RNF216: variants seen among roughly 807,000 people sequenced by gnomAD.
RNF216 encodes E3 ubiquitin-protein ligase RNF216.
A neutral mutation model predicts 110.8 loss-of-function variants in RNF216; 72 were observed. The observed-to-expected ratio is 0.65, with a 90% confidence interval of 0.54 to 0.79. The LOEUF is 0.79. Ranked by LOEUF, RNF216 falls within the 30% of genes least tolerant of loss-of-function variation. The pLI is 0.00. For missense variants in RNF216, 1,342 were observed against 1,141.2 expected (o/e 1.18, Z -2.54); for synonymous variants, 495 against 407.5 (o/e 1.21, Z -2.59).
Position 5,770,621 on chromosome 7 carries a change from T to G in RNF216, c.-69-9483A>C, listed in dbSNP as rs1422706454. 3.3e-5 allele frequency among the ~76,000 whole-genome samples: 5 copies of G among 152,120 alleles called. No individual in the cohort carries two copies. In the East Asian group the frequency reaches 9.6e-4, roughly 29 times the overall value. ...CTTTATCAGGTTTTAAGAATAGATA[T>G]ATACTAGATGACTTTAGAATTTACA... On this transcript the variant is annotated intron_variant, in intron 1 of 16. Coordinates refer to ENST00000389902, the MANE Select transcript of RNF216 (RefSeq NM_207111.4).
In RNF216 at chr7:5,673,520, C is replaced by T. The variant is rs111981961; in HGVS notation, c.2062-21010G>A. Among the ~76,000 whole-genome samples the T allele has an allele frequency of 4.2e-3, 642 of 152,338 alleles. 2 individuals are homozygous for T. Among genetic ancestry groups the T allele is most frequent in the East Asian group, 0.023 (121 of 5,178 alleles). On this transcript the variant is annotated intron_variant, in intron 13 of 16. Coordinates refer to ENST00000389902, the MANE Select transcript of RNF216 (RefSeq NM_207111.4). ...GTGATGTGAAGAACAGCAAAGCTGA[C>T]CTGTCACGTGGGGCAGTATGCAGGG...
chr7:5,747,334 T>C (rs909081202), intron 3 of RNF216, among the ~76,000 whole-genome samples: 1 of 152,150 alleles, frequency 6.6e-6, no homozygotes, highest in Admixed American at 6.5e-5. Context: ...AGCTAACACA[T>C]GGTGGGACCA....
chr7:5,674,762 G>C (rs1215221148), intron 13 of RNF216, among the ~76,000 whole-genome samples: 1 of 152,130 alleles, frequency 6.6e-6, no homozygotes, highest in South Asian at 2.1e-4. Flanking sequence ...CTAGGAGGCC[G>C]AGGTTGGCAG....
intron 3 of RNF216, among the ~76,000 whole-genome samples, chr7:5,746,615 A>G (rs551583604): frequency 6.6e-6 from 1 of 152,268 alleles, no homozygotes; most frequent in Non-Finnish European, 1.5e-5. Context: ...GCTAGGTAGG[A>G]CATCTTGGAG....
At chr7:5,651,005 G>A (rs1788351843) in intron 14 of RNF216, among the ~76,000 whole-genome samples, 1 of 152,168 alleles carries the variant, frequency 6.6e-6, no homozygotes, top group East Asian at 1.9e-4. Flanking sequence ...TACGGTGCTT[G>A]CCTTGCCCAC....
intron 13 of RNF216, among the ~76,000 whole-genome samples, chr7:5,684,776 A>G (rs1303518232): frequency 6.6e-6 from 1 of 152,100 alleles, no homozygotes; most frequent in Non-Finnish European, 1.5e-5. Context: ...GAAAAACAAA[A>G]CTTTACCTTT....
intron 13 of RNF216, among the ~76,000 whole-genome samples, chr7:5,681,930 T>C (rs1282664632): frequency 6.6e-6 from 1 of 152,220 alleles, no homozygotes; most frequent in African/African-American, 2.4e-5. Context: ...AGTGGTTTTC[T>C]AAAGAATGCT....
chr7:5,666,076 G>T (rs1342444756), intron 13 of RNF216, among the ~76,000 whole-genome samples: 1 of 151,190 alleles, frequency 6.6e-6, no homozygotes, highest in Non-Finnish European at 1.5e-5. Context: ...TGAGGCAGGA[G>T]AATGGCGTGA....
At position 5,739,060 on chromosome 7, in the gene RNF216, A is replaced by T. The variant is rs554285494; in HGVS notation, c.1121+216T>A. Among the ~76,000 whole-genome samples, 8 of 152,320 alleles carry T rather than the reference A, an allele frequency of 5.3e-5. No homozygotes were observed. In the East Asian group the frequency reaches 1.2e-3, roughly 22 times the overall value. Reference sequence around the variant, plus strand: ...GATGGTGGGTGCCACTGGCTTGGGAAGGGGATGGGGAGTGAGTGTTTAATG... The same window carrying T: ...GATGGTGGGTGCCACTGGCTTGGGATGGGGATGGGGAGTGAGTGTTTAATG... On this transcript the variant is annotated intron_variant, in intron 5 of 16. Coordinates refer to ENST00000389902, the MANE Select transcript of RNF216 (RefSeq NM_207111.4).
chr7:5,633,976 G>T (rs1014527009), intron 15 of RNF216, among the ~76,000 whole-genome samples: 1 of 152,214 alleles, frequency 6.6e-6, no homozygotes, highest in Non-Finnish European at 1.5e-5. Flanking sequence ...CGAAGAAAGA[G>T]AAACTATGAG....
chr7:5,641,199 G>A lies in RNF216; in HGVS notation c.2337C>T (p.Ala779=). The stretch of plus-strand genomic sequence containing the variant: ...AGCATCTTGAACACTCCTGGCAAGG[G>A]GCTCCTGGTGAGCGGGGATGTTGGC... ...HFCQHPRSPG[A]PCQECSRCSL... Residue 779 remains alanine, a synonymous_variant, in exon 15 of 17, where the codon GCC becomes GCT. Coordinates refer to ENST00000389902, the MANE Select transcript of RNF216 (RefSeq NM_207111.4). 1.2e-6 allele frequency: 2 copies of A among 1,614,120 alleles called. No individual in the cohort carries two copies. Among genetic ancestry groups the A allele is most frequent in the African/African-American group, 1.3e-5 (1 of 75,012 alleles).
At chr7:5,689,800 A>C (rs991246840) in intron 13 of RNF216, among the ~76,000 whole-genome samples, 69 of 152,044 alleles carry the variant, frequency 4.5e-4, no homozygotes, top group Admixed American at 3.9e-3. Flanking sequence ...CTAAAAATGC[A>C]AAAAAATTAG....
rs1584575438 is a variant in RNF216, at chr7:5,752,993, G to C, written c.68-14C>G. 6.2e-7 allele frequency: 1 copy of C among 1,602,696 alleles called. No individual in the cohort carries two copies. Among genetic ancestry groups the C allele is most frequent in the Non-Finnish European group, 8.5e-7 (1 of 1,175,792 alleles). The stretch of plus-strand genomic sequence containing the variant: ...GATTGATCCACTCTACAGGAAAGCA[G>C]AGAACACTGTTACTGGGAGGTTGGC... On this transcript the variant is annotated splice_polypyrimidine_tract_variant and intron_variant, in intron 2 of 16. Coordinates refer to ENST00000389902, the MANE Select transcript of RNF216 (RefSeq NM_207111.4).
At chr7:5,771,204 T>C (rs1796476911) in intron 1 of RNF216, among the ~76,000 whole-genome samples, 1 of 152,090 alleles carries the variant, frequency 6.6e-6, no homozygotes, top group African/African-American at 2.4e-5. Context: ...TCAAAAGCCA[T>C]ATATGGGGTG....
intron 8 of RNF216, among the ~76,000 whole-genome samples, chr7:5,722,649 C>T (rs1421913030): frequency 6.6e-6 from 1 of 151,994 alleles, no homozygotes; most frequent in Non-Finnish European, 1.5e-5. Flanking sequence ...CTCGGCCTCC[C>T]AAAGTGCCAG....
At chr7:5,707,044 G>A (rs949822624) in intron 13 of RNF216, among the ~76,000 whole-genome samples, 1 of 152,152 alleles carries the variant, frequency 6.6e-6, no homozygotes, top group Non-Finnish European at 1.5e-5. Context: ...CTTTTCCCCC[G>A]GTGGGTGTTC....
chr7:5,689,248 T>C (rs551982218), intron 13 of RNF216, among the ~76,000 whole-genome samples: 7 of 151,784 alleles, frequency 4.6e-5, no homozygotes, highest in African/African-American at 1.7e-4. Context: ...GAAGCTGATA[T>C]GGCAGCATTT....
chr7:5,665,532 T>TTA (rs1334407411), intron 13 of RNF216, among the ~76,000 whole-genome samples: 2 of 151,992 alleles, frequency 1.3e-5, no homozygotes, highest in Admixed American at 1.3e-4. Flanking sequence ...AATAGAAGCT[T>TTA]TATATGTGGT....
chr7:5,627,989 G>A (rs1213408066), intron 15 of RNF216, among the ~76,000 whole-genome samples: 1 of 152,192 alleles, frequency 6.6e-6, no homozygotes, highest in African/African-American at 2.4e-5. Flanking sequence ...CACCTGCATA[G>A]GAGCGCGAGC....
Sources: allele counts gnomAD v4.1 joint callset (sites outside exome capture counted in the v4.1 genomes callset), GRCh38; gene constraint gnomAD v4.1.1; transcripts MANE v1.5; gene names NCBI Gene and HGNC (gene_info 2026-07-23, HGNC 2026-07-21).